The following RLF variants were observed in gnomAD, a reference collection of about 807,000 sequenced individuals.
RLF encodes the protein RLF zinc finger, also known as zinc finger protein Rlf.
Under a neutral mutation model 162.9 loss-of-function variants are expected in RLF, and 7 were observed. The observed-to-expected ratio is 0.04, with a 90% CI of 0.02 to 0.08. RLF has a LOEUF of 0.08. RLF is among the 10% of genes least tolerant of loss of function. The probability of loss-of-function intolerance (pLI) is 1.00; values close to 1 mark genes in which losing one functional copy is unlikely to be tolerated. For missense variants in RLF, 1,664 were observed against 2,244.7 expected (o/e 0.74, Z 5.23); for synonymous variants, 782 against 791.5 (o/e 0.99, Z 0.20).
At chr1:40,215,331 A>G (rs933644485) in intron 5 of RLF, among the ~76,000 whole-genome samples, 1 of 152,170 alleles carries the variant, frequency 6.6e-6, no homozygotes, top group Admixed American at 6.5e-5. Flanking sequence ...AGCTAAATAT[A>G]CATTCTTCTC....
Position 40,240,490 on chromosome 1 carries a change from A to G in RLF, c.*43A>G, listed in dbSNP as rs752996329. The G allele has an allele frequency of 2.1e-6, 3 of 1,401,514 alleles. No homozygotes were observed. The highest frequency in any genetic ancestry group is 9.9e-7 in the Non-Finnish European group (1 of 1,008,556). The allele number at this position is 1,401,514 out of a possible 1,614,324, so 86.8% of individuals were successfully genotyped here. On this transcript the variant is annotated 3_prime_UTR_variant, in exon 8 of 8. Transcript: ENST00000372771. ...GTAACAGACTGGCTCCAACACTGCA[A>G]CATGGGGACATTTGCCAACTCGAAC...
chr1:40,230,068 G>T (rs150977286), intron 6 of RLF, among the ~76,000 whole-genome samples: 2 of 151,464 alleles, frequency 1.3e-5, no homozygotes, highest in African/African-American at 4.9e-5. Context: ...GAGCCAAGAT[G>T]GTGCCATTGC....
At chr1:40,221,607 A>G (rs888219328) in intron 5 of RLF, among the ~76,000 whole-genome samples, 1 of 129,712 alleles carries the variant, frequency 7.7e-6, no homozygotes, top group African/African-American at 2.8e-5. Flanking sequence ...GCTCTGATGC[A>G]AAAAAAAAAA....
At chr1:40,228,914 G>A (rs556727631) in intron 6 of RLF, among the ~76,000 whole-genome samples, 6 of 152,008 alleles carry the variant, frequency 3.9e-5, no homozygotes, top group South Asian at 4.2e-4. Flanking sequence ...CCCGCCCCCC[G>A]CTGCCTCTGC....
intron 6 of RLF, 79 bp from the exon 7 acceptor site, chr1:40,231,438 C>T: frequency 7.6e-7 from 1 of 1,317,806 alleles, no homozygotes. Context: ...TTCTACAGAT[C>T]AAAAAATTGG....
chr1:40,208,290 C>A (rs952628062), intron 5 of RLF, among the ~76,000 whole-genome samples: 5 of 152,154 alleles, frequency 3.3e-5, no homozygotes, highest in Admixed American at 6.5e-5. Flanking sequence ...CATGTAGTTT[C>A]CTCAAATGGG....
At chr1:40,201,952 G>T (rs573523482) in intron 4 of RLF, among the ~76,000 whole-genome samples, 1 of 151,962 alleles carries the variant, frequency 6.6e-6, no homozygotes, top group Non-Finnish European at 1.5e-5. Context: ...TCTTTTGGTC[G>T]GTGGAACACA....
chr1:40,175,320 A>C (rs189726464), intron 1 of RLF, among the ~76,000 whole-genome samples: 2 of 152,136 alleles, frequency 1.3e-5, no homozygotes, highest in Admixed American at 6.5e-5. Flanking sequence ...AATGGAGAAC[A>C]TATATGTATA....
At chr1:40,180,876 C>T (rs1313043867) in intron 1 of RLF, among the ~76,000 whole-genome samples, 1 of 152,152 alleles carries the variant, frequency 6.6e-6, no homozygotes, top group Non-Finnish European at 1.5e-5. Flanking sequence ...CTTTGATGCA[C>T]AGAAGTTTTT....
intron 4 of RLF, among the ~76,000 whole-genome samples, chr1:40,201,066 CACA>C (rs369528430): frequency 6.2e-3 from 36 of 5,844 alleles, no homozygotes; most frequent in Non-Finnish European, 0.016. Flanking sequence ...CACACACACA[CACA>C]CCCCCCCCCC....
At chr1:40,216,043 G>A (rs1385419412) in intron 5 of RLF, among the ~76,000 whole-genome samples, 1 of 151,836 alleles carries the variant, frequency 6.6e-6, no homozygotes, top group Non-Finnish European at 1.5e-5. Flanking sequence ...GACTGAACAA[G>A]AACAAAGAGA....
intron 1 of RLF, among the ~76,000 whole-genome samples, chr1:40,183,403 C>G (rs1642432367): frequency 6.6e-6 from 1 of 152,014 alleles, no homozygotes; most frequent in East Asian, 1.9e-4. Context: ...TTTTTGTGAC[C>G]CACCAGCATT....
intron 1 of RLF, among the ~76,000 whole-genome samples, chr1:40,186,750 T>A (rs975648369): frequency 6.6e-6 from 1 of 152,196 alleles, no homozygotes; most frequent in Non-Finnish European, 1.5e-5. Context: ...TGTGATAATC[T>A]ATTGAAAAAT....
chr1:40,187,257 C>G (rs148131885), intron 1 of RLF, among the ~76,000 whole-genome samples: 1 of 152,124 alleles, frequency 6.6e-6, no homozygotes, highest in African/African-American at 2.4e-5. Context: ...GTCTCGATCT[C>G]TTGACTTTGT....
intron 3 of RLF, among the ~76,000 whole-genome samples, chr1:40,195,123 C>T (rs1343289957): frequency 6.6e-6 from 1 of 151,788 alleles, no homozygotes; most frequent in Non-Finnish European, 1.5e-5. Flanking sequence ...GCATGAGCCA[C>T]TGTGCCTGGC....
chr1:40,228,513 G>A (rs1428372344), intron 6 of RLF, among the ~76,000 whole-genome samples: 1 of 151,802 alleles, frequency 6.6e-6, no homozygotes, highest in African/African-American at 2.4e-5. Flanking sequence ...AACCCGGGAG[G>A]CGGAGGTTGC....
chr1:40,211,875 G>A (rs748766455), intron 5 of RLF, among the ~76,000 whole-genome samples: 7 of 152,106 alleles, frequency 4.6e-5, no homozygotes, highest in Admixed American at 2.0e-4. Flanking sequence ...TTATCCGCCC[G>A]CCTCGGCCTC....
intron 5 of RLF, among the ~76,000 whole-genome samples, chr1:40,211,259 G>C (rs1259155588): frequency 6.6e-6 from 1 of 152,188 alleles, no homozygotes; most frequent in Non-Finnish European, 1.5e-5. Context: ...TGTTCTACAC[G>C]TGATGAAACT....
Position 40,180,528 on chromosome 1 carries a change from CTG to C in RLF, c.238-8526_238-8525del, listed in dbSNP as rs572511223. ...CAACCTGCCTTGGCTTCCCAACGTGCTGAGATTACAGGTGTGAGCCACTTGGT... is the reference window on the plus strand; with the variant it reads ...CAACCTGCCTTGGCTTCCCAACGTGCAGATTACAGGTGTGAGCCACTTGGT... On this transcript the variant is annotated intron_variant, in intron 1 of 7. Coordinates refer to ENST00000372771, the MANE Select transcript of RLF (RefSeq NM_012421.4). Among the ~76,000 whole-genome samples, 65 of 152,258 alleles carry C rather than the reference CTG, an allele frequency of 4.3e-4. 1 individual carries two copies. The South Asian group carries it at 0.013, about 30-fold the overall frequency.
Sources: allele counts gnomAD v4.1 joint callset (sites outside exome capture counted in the v4.1 genomes callset), GRCh38; gene constraint gnomAD v4.1.1; transcripts MANE v1.5; gene names NCBI Gene and HGNC (gene_info 2026-07-23, HGNC 2026-07-21).